The following CLVS1 variants were observed in gnomAD, a reference collection of about 807,000 sequenced individuals.
CLVS1 encodes clavesin-1.
Under a neutral mutation model 33.1 loss-of-function variants are expected in CLVS1, and 10 were observed. The ratio of observed to expected loss-of-function variants is 0.30; its 90% CI spans 0.19 to 0.51. The LOEUF (loss-of-function observed/expected upper bound fraction) is 0.51, where lower values mean the gene tolerates loss of function less well. Ranked by LOEUF, CLVS1 falls within the 20% of genes least tolerant of loss-of-function variation. The pLI, the probability that CLVS1 is intolerant of heterozygous loss-of-function variation, is 0.97. For synonymous variants in CLVS1, 163 were observed against 166.1 expected (o/e 0.98, Z 0.14); for missense variants, 343 against 433.4 (o/e 0.79, Z 1.85).
chr8:61,135,552 A>T (rs999600150), intron 2 of CLVS1, among the ~76,000 whole-genome samples: 1 of 152,210 alleles, frequency 6.6e-6, no homozygotes, highest in Non-Finnish European at 1.5e-5. Flanking sequence ...GAGAGAGAGT[A>T]GGAATAAGAG....
At chr8:61,145,773 C>T (rs937154752) in intron 2 of CLVS1, among the ~76,000 whole-genome samples, 11 of 152,198 alleles carry the variant, frequency 7.2e-5, no homozygotes, top group African/African-American at 2.7e-4. Flanking sequence ...TGGATATGGG[C>T]AGTTATGATG....
chr8:61,430,814 G>A (rs1816084303), intron 3 of CLVS1, among the ~76,000 whole-genome samples: 1 of 152,136 alleles, frequency 6.6e-6, no homozygotes, highest in Non-Finnish European at 1.5e-5. Flanking sequence ...TCAGATCAAG[G>A]ACATGGAGTG....
chr8:61,285,107 C>A (rs945265579), upstream of CLVS1, among the ~76,000 whole-genome samples: 4 of 152,036 alleles, frequency 2.6e-5, no homozygotes, highest in African/African-American at 7.2e-5. Flanking sequence ...GTCTGTGGAG[C>A]CTTACAGAAT....
Position 61,376,647 on chromosome 8 carries a change from G to A in CLVS1, c.498G>A (p.Leu166=), listed in dbSNP as rs1407365091. Residue 166 remains leucine (L), a synonymous_variant, in exon 3 of 6, where the codon TTG becomes TTA. Coordinates refer to ENST00000325897, the MANE Select transcript of CLVS1 (RefSeq NM_173519.3). ...TDILRAILLS[L]EVLIEDPELQ... ...TCCTTCGTGCCATCCTGCTGTCATT[G>A]GAAGTCCTAATCGAAGATCCGGAGC... The A allele has an allele frequency of 6.2e-7, 1 of 1,614,060 alleles. No individual in the cohort carries two copies.
chr8:61,036,600 C>T, the CLVS1 span, among the ~76,000 whole-genome samples: 1 of 152,224 alleles, frequency 6.6e-6, no homozygotes, highest in African/African-American at 2.4e-5. Flanking sequence ...CCCTCTCCCT[C>T]CTTCCTTCCA....
intron 1 of CLVS1, among the ~76,000 whole-genome samples, chr8:61,065,032 G>A (rs1804650403): frequency 6.6e-6 from 1 of 152,136 alleles, no homozygotes; most frequent in Non-Finnish European, 1.5e-5. Flanking sequence ...GGACTAATAT[G>A]TTCCTGCCAT....
chr8:61,046,486 C>A, the CLVS1 span, among the ~76,000 whole-genome samples: 1 of 146,976 alleles, frequency 6.8e-6, no homozygotes, highest in Non-Finnish European at 1.5e-5. Context: ...TTTTTTGGTT[C>A]CATACGAACT....
At chr8:61,208,840 C>A (rs1807914223) in intron 2 of CLVS1, among the ~76,000 whole-genome samples, 1 of 152,210 alleles carries the variant, frequency 6.6e-6, no homozygotes, top group Non-Finnish European at 1.5e-5. Flanking sequence ...CCCACCTCGG[C>A]CTCCCAAAGC....
At chr8:60,975,064 A>T in the CLVS1 span, among the ~76,000 whole-genome samples, 1 of 152,124 alleles carries the variant, frequency 6.6e-6, no homozygotes, top group African/African-American at 2.4e-5. Context: ...ATCATAGGGT[A>T]ATGGGTGCAT....
chr8:60,981,350 C>T, the CLVS1 span, among the ~76,000 whole-genome samples: 1 of 152,204 alleles, frequency 6.6e-6, no homozygotes, highest in Non-Finnish European at 1.5e-5. Context: ...TAGCTTTGAG[C>T]ACATGAATCA....
intron 2 of CLVS1, among the ~76,000 whole-genome samples, chr8:61,309,723 C>T (rs1810768573): frequency 6.6e-6 from 1 of 152,200 alleles, no homozygotes; most frequent in Non-Finnish European, 1.5e-5. Context: ...TCACTGCTGA[C>T]CTGTGGCAGT....
chr8:61,381,600 T>A (rs942278308), intron 3 of CLVS1, among the ~76,000 whole-genome samples: 5 of 152,148 alleles, frequency 3.3e-5, no homozygotes, highest in African/African-American at 1.2e-4. Context: ...ACCCTCCAAC[T>A]TTAAGTAGGT....
intron 1 of CLVS1, among the ~76,000 whole-genome samples, chr8:61,093,772 C>T (rs1008796194): frequency 1.3e-5 from 2 of 152,202 alleles, no homozygotes; most frequent in East Asian, 1.9e-4. Context: ...TTTATGTGTG[C>T]GTCCAGCTCT....
chr8:61,411,278 C>G (rs1200216050), intron 3 of CLVS1, among the ~76,000 whole-genome samples: 1 of 152,218 alleles, frequency 6.6e-6, no homozygotes, highest in East Asian at 1.9e-4. Flanking sequence ...GAGCAAAGCA[C>G]TGAATTCCTC....
chr8:61,104,952 C>T (rs1425367089), intron 1 of CLVS1, among the ~76,000 whole-genome samples: 2 of 152,132 alleles, frequency 1.3e-5, no homozygotes, highest in African/African-American at 4.8e-5. Context: ...CCTCAGCCTC[C>T]CAAGTAGCTG....
chr8:61,480,639 T>C (rs904363373), intron 5 of CLVS1, among the ~76,000 whole-genome samples: 1 of 152,028 alleles, frequency 6.6e-6, no homozygotes, highest in South Asian at 2.1e-4. Flanking sequence ...GGTACCTCAG[T>C]TGGTAATGCA....
the CLVS1 span, among the ~76,000 whole-genome samples, chr8:61,003,784 C>A: frequency 6.6e-6 from 1 of 152,176 alleles, no homozygotes; most frequent in Non-Finnish European, 1.5e-5. Context: ...TATGACATAC[C>A]TGCCATGTAC....
intron 2 of CLVS1, among the ~76,000 whole-genome samples, chr8:61,282,023 C>T (rs1357230171): frequency 6.6e-6 from 1 of 152,174 alleles, no homozygotes; most frequent in Non-Finnish European, 1.5e-5. Context: ...ATCATGTCAC[C>T]TCCACCATCA....
intron 3 of CLVS1, chr8:61,391,336 G>A (rs963216904): frequency 6.6e-6 from 1 of 152,182 alleles, no homozygotes; most frequent in African/African-American, 2.4e-5. Context: ...AGCAGTATAG[G>A]TGGAGGAACC....
Sources: allele counts gnomAD v4.1 joint callset (sites outside exome capture counted in the v4.1 genomes callset), GRCh38; gene constraint gnomAD v4.1.1; transcripts MANE v1.5; gene names NCBI Gene and HGNC (gene_info 2026-07-23, HGNC 2026-07-21).